The following KCNN2 variants were observed in gnomAD, a reference collection of about 807,000 sequenced individuals.
KCNN2 encodes potassium calcium-activated channel subfamily N member 2.
A neutral mutation model predicts 55.5 loss-of-function variants in KCNN2; 24 were observed. The ratio of observed to expected loss-of-function variants is 0.43; its 90% CI spans 0.31 to 0.61. The LOEUF is 0.61. Ranked by LOEUF, KCNN2 falls within the 20% of genes least tolerant of loss-of-function variation. The pLI is 0.08. For missense variants in KCNN2, 754 were observed against 853.6 expected (o/e 0.88, Z 1.45); for synonymous variants, 431 against 336.1 (o/e 1.28, Z -3.09).
chr5:114,302,689 C>T (rs188982774), intron 2 of KCNN2, among the ~76,000 whole-genome samples: 10 of 152,214 alleles, frequency 6.6e-5, no homozygotes, highest in Admixed American at 4.6e-4. Flanking sequence ...AGTTCTGAGG[C>T]AGTTAGAAGT....
intron 2 of KCNN2, among the ~76,000 whole-genome samples, chr5:114,293,912 C>T (rs1378596142): frequency 6.6e-6 from 1 of 152,098 alleles, no homozygotes; most frequent in African/African-American, 2.4e-5. Flanking sequence ...CTTCCTGGTT[C>T]AGTCTTGGGA....
chr5:114,470,854 T>A (rs545095539), intron 4 of KCNN2, among the ~76,000 whole-genome samples: 38 of 152,254 alleles, frequency 2.5e-4, no homozygotes, highest in Admixed American at 4.6e-4. Flanking sequence ...CCTGGAGAGC[T>A]TTTAAAAAAT....
intron 1 of KCNN2, among the ~76,000 whole-genome samples, chr5:114,105,246 T>C (rs1751461449): frequency 6.6e-6 from 1 of 151,990 alleles, no homozygotes; most frequent in Non-Finnish European, 1.5e-5. Flanking sequence ...GGTGTTTTGG[T>C]TGTTGAGATC....
intron 2 of KCNN2, among the ~76,000 whole-genome samples, chr5:114,236,664 C>T (rs1408098642): frequency 6.6e-6 from 1 of 152,114 alleles, no homozygotes; most frequent in Non-Finnish European, 1.5e-5. Context: ...CCAATATCAT[C>T]CCGACTCCTG....
chr5:114,441,970 T>C (rs900808744), intron 3 of KCNN2, among the ~76,000 whole-genome samples: 1 of 152,158 alleles, frequency 6.6e-6, no homozygotes, highest in African/African-American at 2.4e-5. Context: ...GAAAAAATAA[T>C]TGGTGGACTC....
intron 1 of KCNN2, among the ~76,000 whole-genome samples, chr5:114,118,590 C>T (rs1350744687): frequency 6.6e-6 from 1 of 151,724 alleles, no homozygotes; most frequent in Non-Finnish European, 1.5e-5. Flanking sequence ...GGTTCAGGCC[C>T]TCTGTGACTG....
intron 1 of KCNN2, among the ~76,000 whole-genome samples, chr5:114,074,766 G>A (rs900523526): frequency 3.3e-5 from 5 of 152,190 alleles, no homozygotes; most frequent in African/African-American, 4.8e-5. Context: ...GACATTGTCA[G>A]AATTAAAAAT....
intron 3 of KCNN2, among the ~76,000 whole-genome samples, chr5:114,436,824 T>C (rs1760020850): frequency 6.6e-6 from 1 of 152,240 alleles, no homozygotes; most frequent in South Asian, 2.1e-4. Context: ...GTGATGGCAG[T>C]GCTCTTTGAC....
At chr5:114,283,573 T>A (rs1333517943) in intron 2 of KCNN2, among the ~76,000 whole-genome samples, 1 of 152,226 alleles carries the variant, frequency 6.6e-6, no homozygotes, top group African/African-American at 2.4e-5. Context: ...ACTATTGTCA[T>A]CTTTGTATGT....
At chr5:114,206,402 C>A (rs912673500) in intron 1 of KCNN2, among the ~76,000 whole-genome samples, 4 of 152,144 alleles carry the variant, frequency 2.6e-5, no homozygotes, top group Non-Finnish European at 5.9e-5. Flanking sequence ...CAAATTCCTC[C>A]AGCAGAAGCT....
At chr5:114,228,721 C>T (rs1754291088) in intron 2 of KCNN2, among the ~76,000 whole-genome samples, 2 of 152,036 alleles carry the variant, frequency 1.3e-5, no homozygotes, top group Admixed American at 6.6e-5. Flanking sequence ...ATGACTTCTT[C>T]ATAATTTTAT....
intron 3 of KCNN2, among the ~76,000 whole-genome samples, chr5:114,444,929 C>T (rs1243764450): frequency 1.3e-5 from 2 of 152,118 alleles, no homozygotes; most frequent in East Asian, 1.9e-4. Context: ...GCATCAAGTA[C>T]AGTGATTTGC....
At chr5:114,292,724 G>T (rs138146838) in intron 2 of KCNN2, among the ~76,000 whole-genome samples, 10,844 of 152,102 alleles carry the variant, frequency 0.071, 1,312 homozygotes, top group African/African-American at 0.25. Flanking sequence ...TCCAATTCTG[G>T]GAAGAAAGTC....
chr5:114,102,269 TTGA>T (rs1252957367), intron 1 of KCNN2, among the ~76,000 whole-genome samples: 1 of 151,998 alleles, frequency 6.6e-6, no homozygotes, highest in Admixed American at 6.5e-5. Context: ...CATCCACATT[TTGA>T]TGGAGTTGTT....
intron 1 of KCNN2, among the ~76,000 whole-genome samples, chr5:114,125,350 A>G (rs745708661): frequency 7.2e-5 from 11 of 152,238 alleles, no homozygotes; most frequent in Non-Finnish European, 1.6e-4. Context: ...AAATTAAGAC[A>G]GGAAGTTTCA....
intron 1 of KCNN2, 147 bp downstream of exon 1, chr5:114,363,408 C>T (rs1294398474): frequency 1.9e-6 from 2 of 1,038,256 alleles, no homozygotes; most frequent in East Asian, 2.6e-5. Flanking sequence ...GTCTAGGACG[C>T]GCATCCGTAG....
At chr5:114,462,529 G>T (rs1761257244) in intron 3 of KCNN2, among the ~76,000 whole-genome samples, 1 of 152,170 alleles carries the variant, frequency 6.6e-6, no homozygotes, top group Non-Finnish European at 1.5e-5. Context: ...GAGCACAGGG[G>T]AAGCACTGAG....
At chr5:114,148,352 A>T (rs1299746117) in intron 1 of KCNN2, among the ~76,000 whole-genome samples, 1 of 152,140 alleles carries the variant, frequency 6.6e-6, no homozygotes, top group African/African-American at 2.4e-5. Context: ...TTTGTGCAAC[A>T]AACACAGACG....
chr5:114,075,506 C>G (rs1235082182), intron 1 of KCNN2, among the ~76,000 whole-genome samples: 2 of 152,100 alleles, frequency 1.3e-5, no homozygotes, highest in African/African-American at 4.8e-5. Flanking sequence ...GGACTAAATT[C>G]ACCTTATTTA....
Sources: allele counts gnomAD v4.1 joint callset (sites outside exome capture counted in the v4.1 genomes callset), GRCh38; gene constraint gnomAD v4.1.1; transcripts MANE v1.5; gene names NCBI Gene and HGNC (gene_info 2026-07-23, HGNC 2026-07-21).